SRBD1: variants seen among roughly 807,000 people sequenced by gnomAD.
The protein encoded by SRBD1 is S1 RNA-binding domain-containing protein 1.
Under a neutral mutation model 115.3 loss-of-function variants are expected in SRBD1, and 88 were observed. That is an observed-to-expected ratio of 0.76 (90% confidence interval 0.64 to 0.91). The LOEUF is 0.91. Ranked by LOEUF, SRBD1 falls within the 40% of genes least tolerant of loss-of-function variation. The pLI, the probability that SRBD1 is intolerant of heterozygous loss-of-function variation, is 0.00. For synonymous variants in SRBD1, 509 were observed against 407.7 expected, an observed-to-expected ratio of 1.25 and a Z score of -2.99; for missense variants, 1,385 against 1,177.4, an observed-to-expected ratio of 1.18 and a Z score of -2.58.
Position 45,389,324 on chromosome 2 carries a change from T to C in SRBD1, c.2974A>G (p.Ile992Val). Residue 992 changes from isoleucine to valine, a missense_variant, in exon 21 of 21, where the codon ATT (isoleucine) becomes GTT (valine). Transcript: ENST00000263736. ...IPRSRITLDL[I>V]RVL is the part of the protein sequence containing the mutation. ...TCGTGGGATACTCATAACACCCGAA[T>C]GAGGTCCAGAGTAATCCTAGATCGG... The C allele has an allele frequency of 1.2e-6, 2 of 1,613,388 alleles. No homozygotes were observed. Among genetic ancestry groups the C allele is most frequent in the Non-Finnish European group, 1.7e-6 (2 of 1,179,504 alleles).
chr2:45,401,822 T>C (rs901416779), intron 19 of SRBD1, among the ~76,000 whole-genome samples: 1 of 152,186 alleles, frequency 6.6e-6, no homozygotes, highest in Non-Finnish European at 1.5e-5. Flanking sequence ...ATCAAATCTG[T>C]GAAGAGTCAA....
chr2:45,558,040 C>T (rs2104085871), intron 10 of SRBD1, among the ~76,000 whole-genome samples: 1 of 152,286 alleles, frequency 6.6e-6, no homozygotes, highest in Admixed American at 6.5e-5. Flanking sequence ...CTCCACTGGG[C>T]TTTCTTTTTT....
intron 14 of SRBD1, among the ~76,000 whole-genome samples, chr2:45,511,790 C>G (rs183375163): frequency 6.6e-6 from 1 of 152,308 alleles, no homozygotes; most frequent in African/African-American, 2.4e-5. Context: ...TTCCCAGATA[C>G]CAAGCTTTTT....
intron 14 of SRBD1, among the ~76,000 whole-genome samples, chr2:45,526,331 C>T (rs1416479131): frequency 2.6e-5 from 4 of 151,852 alleles, no homozygotes; most frequent in South Asian, 2.1e-4. Context: ...AACATGCTAA[C>T]GGAAAGAAGT....
intron 19 of SRBD1, among the ~76,000 whole-genome samples, chr2:45,410,916 T>TGAAG (rs1368498694): frequency 6.6e-6 from 1 of 152,202 alleles, no homozygotes; most frequent in Non-Finnish European, 1.5e-5. Context: ...TACCTTTCCC[T>TGAAG]ATACATCTTC....
chr2:45,518,833 A>G (rs1671197680), intron 14 of SRBD1, among the ~76,000 whole-genome samples: 1 of 152,158 alleles, frequency 6.6e-6, no homozygotes, highest in Non-Finnish European at 1.5e-5. Context: ...TGAGGCAACA[A>G]TTTACAAACT....
At chr2:45,540,509 C>CA (rs576412116) in intron 14 of SRBD1, among the ~76,000 whole-genome samples, 269 of 151,628 alleles carry the variant, frequency 1.8e-3, no homozygotes, top group African/African-American at 6.4e-3. Flanking sequence ...AAAACTATAC[C>CA]AAAAAATTGA....
intron 16 of SRBD1, among the ~76,000 whole-genome samples, chr2:45,454,078 A>G (rs1354654792): frequency 6.6e-6 from 1 of 151,972 alleles, no homozygotes; most frequent in African/African-American, 2.4e-5. Context: ...AAAAGGAAAA[A>G]GCGTTATCTA....
chr2:45,518,176 G>GT (rs1671177108), intron 14 of SRBD1, among the ~76,000 whole-genome samples: 1 of 151,838 alleles, frequency 6.6e-6, no homozygotes, highest in South Asian at 2.1e-4. Context: ...CAATAATCCT[G>GT]TAAGTATTAT....
At chr2:45,608,481 C>T (rs1049683598) in intron 1 of SRBD1, among the ~76,000 whole-genome samples, 1 of 152,124 alleles carries the variant, frequency 6.6e-6, no homozygotes, top group Non-Finnish European at 1.5e-5. Context: ...ATTCTTGAGG[C>T]CTGTTTCTCC....
In SRBD1 at chr2:45,575,400, A is replaced by G. The variant is rs149668335; in HGVS notation, c.1073-677T>C. Among the ~76,000 whole-genome samples, 1,486 of 152,314 alleles carry G rather than the reference A, an allele frequency of 9.8e-3. 22 individuals are homozygous for G. Among genetic ancestry groups the G allele is most frequent in the African/African-American group, 0.033 (1,363 of 41,566 alleles). On this transcript the variant is annotated intron_variant, in intron 7 of 20. Transcript: ENST00000263736. ...GTAAATCAAGGTCTTTCTGATATCA[A>G]CTTACACTGAGAGAGATCATTTGCA...
At chr2:45,580,176 C>T (rs184697193) in intron 6 of SRBD1, among the ~76,000 whole-genome samples, 163 bp from the exon 7 acceptor site, 1 of 152,162 alleles carries the variant, frequency 6.6e-6, no homozygotes, top group Non-Finnish European at 1.5e-5. Flanking sequence ...AAATGCTTTA[C>T]TGTATGAAGA....
intron 14 of SRBD1, among the ~76,000 whole-genome samples, chr2:45,514,642 C>T (rs56082212): frequency 0.012 from 1,786 of 152,162 alleles, 29 homozygotes; most frequent in African/African-American, 0.033. Context: ...TCCTTCTCAG[C>T]CAGAATCATA....
chr2:45,428,067 G>A (rs561452997), intron 16 of SRBD1, among the ~76,000 whole-genome samples: 4 of 152,144 alleles, frequency 2.6e-5, no homozygotes, highest in African/African-American at 4.8e-5. Flanking sequence ...GCACCACATC[G>A]CACTTATTCT....
At chr2:45,499,520 A>G (rs1670561199) in intron 14 of SRBD1, among the ~76,000 whole-genome samples, 1 of 151,840 alleles carries the variant, frequency 6.6e-6, no homozygotes, top group African/African-American at 2.4e-5. Flanking sequence ...CCATTTGTCT[A>G]TTTTTGCTTT....
At chr2:45,459,427 T>C (rs143967626) in intron 16 of SRBD1, among the ~76,000 whole-genome samples, 2 of 152,250 alleles carry the variant, frequency 1.3e-5, no homozygotes, top group African/African-American at 4.8e-5. Context: ...GCTGCTTCTG[T>C]CCTTCCTTTC....
chr2:45,493,998 C>T (rs6718941), intron 14 of SRBD1, among the ~76,000 whole-genome samples: 126,966 of 151,944 alleles, frequency 0.84, 53,712 homozygotes, highest in African/African-American at 0.93. Flanking sequence ...TTTAGCAATA[C>T]ATGCAAATGA....
In SRBD1 at chr2:45,493,171, T is replaced by G. The variant is rs368954199; in HGVS notation, c.1875-4840A>C. On this transcript the variant is annotated intron_variant, in intron 14 of 20. Coordinates refer to ENST00000263736, the MANE Select transcript of SRBD1 (RefSeq NM_018079.5). ...TAAAAATAATTTATCTAAAAAACAT[T>G]CTTCCAACTTGTCAGACTGAGAAAC... Among the ~76,000 whole-genome samples the G allele has an allele frequency of 1.6e-4, 24 of 152,340 alleles. No homozygotes were observed. In the East Asian group the frequency reaches 4.0e-3, roughly 26 times the overall value.
At chr2:45,521,557 A>T (rs1283813778) in intron 14 of SRBD1, among the ~76,000 whole-genome samples, 3 of 152,158 alleles carry the variant, frequency 2.0e-5, no homozygotes, top group Non-Finnish European at 4.4e-5. Flanking sequence ...GCTGGTAGGA[A>T]TATAAAATGG....
Sources: gnomAD v4.1 joint callset for allele counts (sites outside exome capture counted in the v4.1 genomes callset) on GRCh38, gnomAD v4.1.1 for gene constraint, MANE v1.5 for transcripts, NCBI Gene and HGNC (gene_info 2026-07-23, HGNC 2026-07-21) for gene names.